Variants in CSMD1 observed in about 807,000 individuals in gnomAD.
CSMD1 encodes CUB and sushi domain-containing protein 1.
In CSMD1, 213 loss-of-function variants were observed where a neutral mutation model predicts 417.5. That is an observed-to-expected ratio of 0.51 (90% CI 0.46 to 0.57). The LOEUF (loss-of-function observed/expected upper bound fraction) is 0.57. CSMD1 is among the 20% of genes least tolerant of loss of function. CSMD1 has a pLI of 0.00. For synonymous variants in CSMD1, 2,862 were observed against 1,736.8 expected (o/e 1.65, Z -16.11); for missense variants, 6,923 against 4,529.7 (o/e 1.53, Z -15.17).
intron 1 of CSMD1, among the ~76,000 whole-genome samples, chr8:4,850,915 C>A (rs553652634): frequency 6.8e-6 from 1 of 147,560 alleles, no homozygotes; most frequent in East Asian, 2.0e-4. Flanking sequence ...TGCCCCCCCA[C>A]TTTTTGTGGT....
intron 3 of CSMD1, among the ~76,000 whole-genome samples, chr8:4,162,480 T>G (rs913673982): frequency 3.3e-5 from 5 of 152,236 alleles, no homozygotes; most frequent in African/African-American, 9.6e-5. Flanking sequence ...TTAAGCCAGT[T>G]TGATGAACAG....
chr8:4,827,768 A>G (rs1799922093), intron 1 of CSMD1, among the ~76,000 whole-genome samples: 1 of 152,188 alleles, frequency 6.6e-6, no homozygotes, highest in Admixed American at 6.5e-5. Context: ...GGATTTCATT[A>G]AAGATTGAAA....
At chr8:4,373,992 G>T (rs538785325) in intron 3 of CSMD1, among the ~76,000 whole-genome samples, 2 of 152,286 alleles carry the variant, frequency 1.3e-5, no homozygotes, top group African/African-American at 4.8e-5. Flanking sequence ...GGAAAAGCCA[G>T]TATGAACTAT....
At chr8:4,892,442 T>TA (rs200324535) in intron 1 of CSMD1, among the ~76,000 whole-genome samples, 1 of 151,970 alleles carries the variant, frequency 6.6e-6, no homozygotes, top group Non-Finnish European at 1.5e-5. Context: ...ATAGAGATTA[T>TA]AAAAAAATAG....
intron 10 of CSMD1, among the ~76,000 whole-genome samples, chr8:3,560,155 A>T (rs1799408258): frequency 1.3e-5 from 2 of 152,232 alleles, no homozygotes; most frequent in South Asian, 4.1e-4. Context: ...TATATAACTT[A>T]TCTCTGTAAG....
intron 1 of CSMD1, among the ~76,000 whole-genome samples, chr8:4,687,793 G>C (rs1013245192): frequency 1.3e-5 from 2 of 151,186 alleles, no homozygotes; most frequent in Non-Finnish European, 2.9e-5. Context: ...TGATTTCAGG[G>C]AATGCATGCA....
intron 30 of CSMD1, among the ~76,000 whole-genome samples, chr8:3,214,166 G>C (rs2116815606): frequency 6.7e-6 from 1 of 150,358 alleles, no homozygotes; most frequent in East Asian, 2.0e-4. Context: ...TTTATATATG[G>C]AGAGAGAGAG....
At position 4,371,045 on chromosome 8, in the gene CSMD1, GA is replaced by G. The variant is rs547494371; in HGVS notation, c.415+48907del. ...CTTGGAGTGGTTCATTCTCTTTTGT[GA>G]AGGCTAATCATCATTTCCCTTTGAA... On this transcript the variant is annotated intron_variant, in intron 3 of 69. Coordinates refer to ENST00000635120, the MANE Select transcript of CSMD1 (RefSeq NM_033225.6). 3.0e-3 allele frequency among the ~76,000 whole-genome samples: 450 copies of G among 152,310 alleles called. 1 individual carries two copies. Among genetic ancestry groups the G allele is most frequent in the Non-Finnish European group, 5.0e-3 (340 of 68,040 alleles).
At chr8:4,441,382 T>A (rs905089573) in intron 2 of CSMD1, among the ~76,000 whole-genome samples, 2 of 151,122 alleles carry the variant, frequency 1.3e-5, no homozygotes, top group Non-Finnish European at 2.9e-5. Flanking sequence ...TAAAGTGCTG[T>A]AATCACAGGC....
intron 20 of CSMD1, among the ~76,000 whole-genome samples, chr8:3,359,624 A>T (rs1809024047): frequency 6.6e-6 from 1 of 151,844 alleles, no homozygotes; most frequent in African/African-American, 2.4e-5. Flanking sequence ...GGATAAAGTG[A>T]TGTTGGTCAA....
At chr8:3,969,469 G>A (rs761396591) in intron 5 of CSMD1, among the ~76,000 whole-genome samples, 2 of 152,078 alleles carry the variant, frequency 1.3e-5, no homozygotes, top group Admixed American at 1.3e-4. Context: ...TAAGATCCTG[G>A]TCTATAAGTT....
At chr8:3,026,393 G>A (rs147712216) in intron 51 of CSMD1, among the ~76,000 whole-genome samples, 2,338 of 151,568 alleles carry the variant, frequency 0.015, 20 homozygotes, top group East Asian at 0.038. Context: ...GACCTCACTC[G>A]GCCTCACTGG....
intron 1 of CSMD1, among the ~76,000 whole-genome samples, chr8:4,718,982 CTT>C (rs572854060): frequency 4.6e-5 from 7 of 151,694 alleles, no homozygotes; most frequent in Admixed American, 1.3e-4. Context: ...ATATGAAAAA[CTT>C]TGAAGATATG....
At chr8:4,822,872 AAT>A (rs1260513726) in intron 1 of CSMD1, among the ~76,000 whole-genome samples, 1 of 152,050 alleles carries the variant, frequency 6.6e-6, no homozygotes, top group African/African-American at 2.4e-5. Context: ...TCTTTTTCAT[AAT>A]ATGTTATGTT....
intron 3 of CSMD1, among the ~76,000 whole-genome samples, chr8:4,151,836 G>T (rs1408980413): frequency 6.6e-6 from 1 of 152,236 alleles, no homozygotes; most frequent in East Asian, 1.9e-4. Flanking sequence ...TATATAGCAT[G>T]AATCAATTAT....
chr8:3,347,181 G>A (rs1243244511), intron 22 of CSMD1, among the ~76,000 whole-genome samples: 5 of 152,230 alleles, frequency 3.3e-5, no homozygotes, highest in Non-Finnish European at 4.4e-5. Context: ...GTGGGCCGCG[G>A]GTTGGACAAG....
chr8:2,945,037 A>G (rs1023541797), intron 68 of CSMD1, among the ~76,000 whole-genome samples: 2 of 151,158 alleles, frequency 1.3e-5, no homozygotes, highest in Non-Finnish European at 2.9e-5. Flanking sequence ...TGCAGCTCCT[A>G]GTTAATTTCA....
intron 3 of CSMD1, among the ~76,000 whole-genome samples, chr8:4,236,404 C>A (rs973955948): frequency 1.3e-5 from 2 of 152,130 alleles, no homozygotes; most frequent in African/African-American, 4.8e-5. Flanking sequence ...AGCACCCACT[C>A]TAGCCAGTCA....
intron 1 of CSMD1, among the ~76,000 whole-genome samples, chr8:4,652,821 C>T (rs1803990221): frequency 6.6e-6 from 1 of 152,026 alleles, no homozygotes; most frequent in Non-Finnish European, 1.5e-5. Context: ...ATTAGATTCT[C>T]ATAAAGACTG....
Sources: allele counts gnomAD v4.1 joint callset (sites outside exome capture counted in the v4.1 genomes callset), GRCh38; gene constraint gnomAD v4.1.1; transcripts MANE v1.5; gene names NCBI Gene and HGNC (gene_info 2026-07-23, HGNC 2026-07-21).